The following UAP1 variants were observed in gnomAD, a reference collection of about 807,000 sequenced individuals.
The protein encoded by UAP1 is UDP-N-acetylhexosamine pyrophosphorylase.
Under a neutral mutation model 58.5 loss-of-function variants are expected in UAP1, and 25 were observed. The observed-to-expected ratio is 0.43, with a 90% CI of 0.31 to 0.60. The LOEUF is 0.60. Among genes scored for constraint, UAP1 ranks in the 20% least tolerant of loss-of-function variants. The pLI is 0.11. For missense variants in UAP1, 575 were observed against 630.0 expected (o/e 0.91, Z 0.93); for synonymous variants, 208 against 213.0 (o/e 0.98, Z 0.21).
At chr1:162,568,210 C>T (rs1275388350) in intron 2 of UAP1, among the ~76,000 whole-genome samples, 1 of 152,156 alleles carries the variant, frequency 6.6e-6, no homozygotes, top group Non-Finnish European at 1.5e-5. Context: ...TTTGGCATCC[C>T]CTTACCCCCT....
intron 5 of UAP1, among the ~76,000 whole-genome samples, chr1:162,583,192 G>A (rs1014662933): frequency 1.7e-5 from 2 of 118,488 alleles, no homozygotes; most frequent in Non-Finnish European, 3.2e-5. Flanking sequence ...TTGCACTGTC[G>A]CCTGGGCCGG....
Position 162,579,617 on chromosome 1 carries a change from C to A in UAP1, c.661+14C>A. On this transcript the variant is annotated intron_variant, in intron 4 of 10. Coordinates refer to ENST00000271469, the Ensembl canonical transcript of UAP1. Reference sequence around the variant, plus strand: ...CTATGGCTCCAGGTTTGTAATCATCCTTATTTAATGGTGACTAGAAAGGAT... The same window carrying A: ...CTATGGCTCCAGGTTTGTAATCATCATTATTTAATGGTGACTAGAAAGGAT... 1 of 1,520,752 alleles carries A rather than the reference C, an allele frequency of 6.6e-7. No individual in the cohort carries two copies. 94.2% of individuals were successfully genotyped at this position (1,520,752 alleles called of 1,614,324 possible).
At chr1:162,591,940 G>A (rs1434494262) in intron 8 of UAP1, among the ~76,000 whole-genome samples, 1 of 152,150 alleles carries the variant, frequency 6.6e-6, no homozygotes, top group Non-Finnish European at 1.5e-5. Flanking sequence ...GTGAGCTATT[G>A]TGCTCAGCCT....
rs3767750 is a variant in UAP1, at chr1:162,579,043, A to T, written c.486-385A>T. Among the ~76,000 whole-genome samples the T allele has an allele frequency of 7.1e-4, 108 of 152,270 alleles. 1 individual carries two copies. In the East Asian group the frequency reaches 0.02, roughly 28 times the overall value. ...TGCATTTCAGATTTCAATAAAAAGA[A>T]CCCCAAGAGATCATTAAACTGTATT... On this transcript the variant is annotated intron_variant, in intron 3 of 10. Transcript: ENST00000271469.
intron 7 of UAP1, among the ~76,000 whole-genome samples, chr1:162,589,697 G>C (rs1189937450): frequency 2.0e-5 from 3 of 152,038 alleles, no homozygotes; most frequent in African/African-American, 7.2e-5. Context: ...AAATTAATGC[G>C]TGGTGGCTCA....
intron 7 of UAP1, 142 bp from the exon 8 acceptor site, chr1:162,590,181 C>T: frequency 1.6e-6 from 1 of 621,326 alleles, no homozygotes; most frequent in Non-Finnish European, 2.6e-6. Flanking sequence ...TTCTTTAGTC[C>T]AAGGGTGAGC....
chr1:162,566,865 G>A (rs1282873348), intron 2 of UAP1, among the ~76,000 whole-genome samples: 1 of 152,140 alleles, frequency 6.6e-6, no homozygotes, highest in East Asian at 1.9e-4. Context: ...GACCTCAAGT[G>A]ATTTCGCCTG....
chr1:162,599,364 A>G, exon 11 of UAP1: 1 of 1,601,410 alleles, frequency 6.2e-7, no homozygotes, highest in South Asian at 1.1e-5. Flanking sequence ...TGGTATTTGA[A>G]CCAGATACCA....
chr1:162,587,713 T>G (rs1489718414), intron 6 of UAP1, 45 bp downstream of exon 6: 2 of 1,571,556 alleles, frequency 1.3e-6, no homozygotes, highest in Non-Finnish European at 1.7e-6. Flanking sequence ...TTATTGTTAA[T>G]CAGAAACTAA....
intron 9 of UAP1, 166 bp from the exon 10 acceptor site, chr1:162,597,626 C>A: frequency 1.8e-6 from 1 of 555,242 alleles, no homozygotes; most frequent in Non-Finnish European, 3.2e-6. Flanking sequence ...TTCATATTAA[C>A]TTAATCCTCA....
intron 5 of UAP1, among the ~76,000 whole-genome samples, chr1:162,584,688 G>T (rs144554302): frequency 2.8e-4 from 43 of 152,156 alleles, no homozygotes; most frequent in Non-Finnish European, 5.4e-4. Flanking sequence ...TTGCTACATT[G>T]CCCAGGCTGG....
chr1:162,566,416 G>T (rs1653510859), intron 2 of UAP1, 68 bp downstream of exon 2: 7 of 1,475,482 alleles, frequency 4.7e-6, no homozygotes, highest in Non-Finnish European at 6.4e-6. Context: ...CAGGTAGCTG[G>T]ATCATGTCAC....
intron 8 of UAP1, among the ~76,000 whole-genome samples, chr1:162,591,464 T>C (rs1020760316): frequency 8.5e-5 from 13 of 152,284 alleles, no homozygotes; most frequent in Middle Eastern, 3.4e-3. Flanking sequence ...TAAAGTACTT[T>C]TCAGCTAAAT....
intron 7 of UAP1, among the ~76,000 whole-genome samples, chr1:162,589,950 GAC>G (rs1655195732): frequency 6.6e-6 from 1 of 152,016 alleles, no homozygotes; most frequent in Non-Finnish European, 1.5e-5. Context: ...CAGCCTGGGT[GAC>G]AGAGTGAGAC....
intron 1 of UAP1, among the ~76,000 whole-genome samples, chr1:162,563,799 A>G (rs183250819): frequency 2.0e-5 from 3 of 152,330 alleles, no homozygotes; most frequent in Admixed American, 2.0e-4. Context: ...CTTTTATCAG[A>G]CAGAGCACTC....
intron 2 of UAP1, among the ~76,000 whole-genome samples, chr1:162,576,096 A>T (rs894508399): frequency 6.6e-6 from 1 of 152,196 alleles, no homozygotes; most frequent in Non-Finnish European, 1.5e-5. Flanking sequence ...CATTCTGTTG[A>T]GTTGGGTTTC....
intron 9 of UAP1, 113 bp from the exon 10 acceptor site, chr1:162,597,679 T>G: frequency 1.3e-6 from 1 of 792,342 alleles, no homozygotes; most frequent in Non-Finnish European, 2.1e-6. Context: ...TCCATTTGTT[T>G]AACTGGAAGA....
chr1:162,593,948 G>A (rs960774932), intron 9 of UAP1, among the ~76,000 whole-genome samples: 1 of 152,028 alleles, frequency 6.6e-6, no homozygotes, highest in Non-Finnish European at 1.5e-5. Flanking sequence ...ATGTGATTCT[G>A]TAAACAAGGA....
At chr1:162,581,218 G>A in intron 4 of UAP1, 69 bp from the exon 5 acceptor site, 4 of 1,488,228 alleles carry the variant, frequency 2.7e-6, no homozygotes, top group Non-Finnish European at 3.6e-6. Context: ...ACCCTAGTTT[G>A]GAAACAATCT....
Sources: gnomAD v4.1 joint callset for allele counts (sites outside exome capture counted in the v4.1 genomes callset) on GRCh38, gnomAD v4.1.1 for gene constraint, MANE v1.5 for transcripts, NCBI Gene and HGNC (gene_info 2026-07-23, HGNC 2026-07-21) for gene names.